Variants in ANP32A observed in about 807,000 individuals in gnomAD.
The protein encoded by ANP32A is acidic leucine-rich nuclear phosphoprotein 32 family member A.
A neutral mutation model predicts 33.9 loss-of-function variants in ANP32A; 1 was observed. That is an observed-to-expected ratio of 0.03 (90% CI 0.01 to 0.14). The LOEUF is 0.14. Ranked by LOEUF, ANP32A falls within the 10% of genes least tolerant of loss-of-function variation. The pLI is 1.00. For synonymous variants in ANP32A, 115 were observed against 120.5 expected (o/e 0.95, Z 0.30); for missense variants, 155 against 306.0 (o/e 0.51, Z 3.68).
At chr15:68,800,843 C>T (rs984785122) in intron 1 of ANP32A, among the ~76,000 whole-genome samples, 1 of 151,278 alleles carries the variant, frequency 6.6e-6, no homozygotes, top group African/African-American at 2.4e-5. Context: ...CCAAAGTGAG[C>T]TTTCAGCAGA....
intron 2 of ANP32A, 113 bp from the exon 3 acceptor site, chr15:68,787,648 T>C: frequency 6.3e-7 from 1 of 1,594,804 alleles, no homozygotes; most frequent in South Asian, 1.1e-5. Context: ...TCTCAGGCAA[T>C]TGTCTGGCAT....
intron 1 of ANP32A, among the ~76,000 whole-genome samples, chr15:68,795,784 C>T (rs547766673): frequency 3.9e-5 from 6 of 152,314 alleles, no homozygotes; most frequent in Admixed American, 3.3e-4. Flanking sequence ...GCTTCCTCCC[C>T]CTTAAACCTC....
chr15:68,803,302 C>T (rs190014265), intron 1 of ANP32A, among the ~76,000 whole-genome samples: 125 of 152,290 alleles, frequency 8.2e-4, no homozygotes, highest in Non-Finnish European at 1.2e-3. Flanking sequence ...ATGGCAGATA[C>T]TCAATAAGGG....
intron 1 of ANP32A, among the ~76,000 whole-genome samples, chr15:68,797,987 T>G (rs1894085099): frequency 6.6e-6 from 1 of 152,220 alleles, no homozygotes; most frequent in South Asian, 2.1e-4. Flanking sequence ...TACAGAAGGC[T>G]AACCCTTTAT....
intron 1 of ANP32A, among the ~76,000 whole-genome samples, chr15:68,805,308 C>G (rs1434974752): frequency 6.6e-6 from 1 of 152,246 alleles, no homozygotes; most frequent in Non-Finnish European, 1.5e-5. Context: ...TCCGCCTAGG[C>G]AGGAAAAACA....
At chr15:68,783,655 C>A (rs989133132) in intron 4 of ANP32A, among the ~76,000 whole-genome samples, 4 of 152,194 alleles carry the variant, frequency 2.6e-5, no homozygotes, top group African/African-American at 7.2e-5. Flanking sequence ...TATCTGGCCA[C>A]GAAGATGCAT....
In ANP32A at chr15:68,779,890, T is replaced by C; in HGVS notation, c.*191A>G. ...ATAAAGAGTGGCAGTAAAAATAGTATTTTATTCCACCCCCACCCGCCATCC... is the reference window on the plus strand; with the variant it reads ...ATAAAGAGTGGCAGTAAAAATAGTACTTTATTCCACCCCCACCCGCCATCC... On this transcript the variant is annotated 3_prime_UTR_variant, in exon 7 of 7. Coordinates refer to ENST00000465139, the MANE Select transcript of ANP32A (RefSeq NM_006305.4). The C allele has an allele frequency of 1.8e-6, 1 of 561,998 alleles. No individual in the cohort carries two copies. The highest frequency in any genetic ancestry group is 3.1e-6 in the Non-Finnish European group (1 of 319,916). The allele number at this position is 561,998 out of a possible 1,614,324, so 34.8% of individuals were successfully genotyped here.
At chr15:68,804,333 C>A (rs1227039584) in intron 1 of ANP32A, among the ~76,000 whole-genome samples, 6 of 152,120 alleles carry the variant, frequency 3.9e-5, no homozygotes, top group Non-Finnish European at 8.8e-5. Context: ...TACTACCTGA[C>A]CTTAGGTTGG....
chr15:68,780,174 GTTA>G lies in ANP32A; in HGVS notation c.689-35_689-33del, dbSNP rs1303871701. On this transcript the variant is annotated intron_variant, in intron 6 of 6. Coordinates refer to ENST00000465139, the MANE Select transcript of ANP32A (RefSeq NM_006305.4). The surrounding 1 kb of genome is among the most constrained non-coding windows in gnomAD (Gnocchi z 4.3). Reference sequence around the variant, plus strand: ...AAGTAAGAAAGCGGCATTTAGATTAGTTATTAATCCCACCTCTTTAACTCAACC... The same window carrying G: ...AAGTAAGAAAGCGGCATTTAGATTAGTTAATCCCACCTCTTTAACTCAACC... 2 of 1,612,504 alleles carry G rather than the reference GTTA, an allele frequency of 1.2e-6. No homozygotes were observed. Among genetic ancestry groups the G allele is most frequent in the Non-Finnish European group, 1.7e-6 (2 of 1,179,152 alleles).
intron 1 of ANP32A, among the ~76,000 whole-genome samples, chr15:68,804,611 C>A (rs1476164808): frequency 1.3e-5 from 2 of 152,158 alleles, no homozygotes; most frequent in Non-Finnish European, 2.9e-5. Context: ...CGGTTCACTG[C>A]AACCTCTGAT....
chr15:68,806,625 AAAAAG>A (rs1366907867), intron 1 of ANP32A, among the ~76,000 whole-genome samples: 1 of 152,240 alleles, frequency 6.6e-6, no homozygotes, highest in African/African-American at 2.4e-5. Flanking sequence ...GACAAGGGCT[AAAAAG>A]AACAGAACTG....
At chr15:68,816,355 A>G (rs1173428487) in intron 1 of ANP32A, among the ~76,000 whole-genome samples, 1 of 152,198 alleles carries the variant, frequency 6.6e-6, no homozygotes, top group Non-Finnish European at 1.5e-5. Flanking sequence ...TGGTCACATG[A>G]TAACCCCTGT....
intron 1 of ANP32A, among the ~76,000 whole-genome samples, chr15:68,812,605 C>T (rs1894328063): frequency 6.6e-6 from 1 of 152,108 alleles, no homozygotes; most frequent in South Asian, 2.1e-4. Flanking sequence ...TCTCATTCCC[C>T]CAAACAAAAC....
At chr15:68,819,881 G>A (rs1894447102) in intron 1 of ANP32A, among the ~76,000 whole-genome samples, 1 of 152,240 alleles carries the variant, frequency 6.6e-6, no homozygotes, top group African/African-American at 2.4e-5. Flanking sequence ...GGAAGGAAAG[G>A]AAGAAACATC....
intron 1 of ANP32A, among the ~76,000 whole-genome samples, chr15:68,792,970 T>A (rs201147131): frequency 1.3e-5 from 2 of 152,134 alleles, no homozygotes; most frequent in East Asian, 3.9e-4. Flanking sequence ...TTCTTGGAGC[T>A]CCCTCCTCTT....
intron 4 of ANP32A, 142 bp from the exon 5 acceptor site, chr15:68,783,195 T>C (rs1893891721): frequency 2.3e-6 from 3 of 1,305,580 alleles, no homozygotes; most frequent in Admixed American, 2.6e-5. Flanking sequence ...TGGAACACAC[T>C]AACTCTCATG....
At chr15:68,819,869 T>C (rs1894446861) in intron 1 of ANP32A, among the ~76,000 whole-genome samples, 1 of 151,870 alleles carries the variant, frequency 6.6e-6, no homozygotes, top group African/African-American at 2.4e-5. Flanking sequence ...TATCCTCCCT[T>C]CGGAAGGAAA....
intron 1 of ANP32A, among the ~76,000 whole-genome samples, chr15:68,810,782 G>A (rs1341035606): frequency 2.6e-5 from 4 of 152,070 alleles, no homozygotes; most frequent in South Asian, 2.1e-4. Context: ...AATCCCAGCC[G>A]GGCGCAGTGG....
intron 1 of ANP32A, among the ~76,000 whole-genome samples, chr15:68,805,338 C>G (rs924073951): frequency 5.3e-5 from 8 of 152,224 alleles, no homozygotes; most frequent in Non-Finnish European, 1.2e-4. Flanking sequence ...GGCAGTCAGC[C>G]GTTGCCTTAC....
Sources: gnomAD v4.1 joint callset for allele counts (sites outside exome capture counted in the v4.1 genomes callset) on GRCh38, gnomAD v4.1.1 for gene constraint, Gnocchi (gnomAD v3.1) non-coding constraint, MANE v1.5 for transcripts, NCBI Gene and HGNC (gene_info 2026-07-23, HGNC 2026-07-21) for gene names.